The following PPIP5K2 variants were observed in gnomAD, a reference collection of about 807,000 sequenced individuals.
The protein encoded by PPIP5K2 is inositol hexakisphosphate and diphosphoinositol-pentakisphosphate kinase 2.
Under a neutral mutation model 154.6 loss-of-function variants are expected in PPIP5K2, and 105 were observed. The observed-to-expected ratio is 0.68, with a 90% CI of 0.58 to 0.80. PPIP5K2 has a LOEUF of 0.80. PPIP5K2 is among the 30% of genes least tolerant of loss of function. PPIP5K2 has a pLI of 0.00. For synonymous variants in PPIP5K2, 480 were observed against 490.3 expected, an observed-to-expected ratio of 0.98 and a Z score of 0.28; for missense variants, 992 against 1,504.6, an observed-to-expected ratio of 0.66 and a Z score of 5.64.
intron 10 of PPIP5K2, 41 bp downstream of exon 10, chr5:103,152,790 T>C (rs1554211773): frequency 2.3e-6 from 3 of 1,305,892 alleles, no homozygotes; most frequent in South Asian, 1.2e-5. Context: ...GAGTTTTCCT[T>C]GCCATCTGTG....
intron 5 of PPIP5K2, 56 bp downstream of exon 5, chr5:103,138,525 C>A: frequency 1.8e-6 from 2 of 1,081,236 alleles, no homozygotes; most frequent in Non-Finnish European, 2.8e-6. Flanking sequence ...ACTTTTGGGC[C>A]ACATTCTTAC....
rs1217295029 is a variant in PPIP5K2 at position 103,202,443 on chromosome 5, T to A, written c.*809T>A. ...ATGTTACACTTACTTTCAGAGTTCTTTTTAGATCTAAAGAAGTCAGTTCAA... is the reference window on the plus strand; with the variant it reads ...ATGTTACACTTACTTTCAGAGTTCTATTTAGATCTAAAGAAGTCAGTTCAA... On this transcript the variant is annotated 3_prime_UTR_variant, in exon 31 of 31. Transcript: ENST00000358359. 1 of 152,148 alleles carries A rather than the reference T, an allele frequency of 6.6e-6. No homozygotes were observed. The highest frequency in any genetic ancestry group is 1.9e-4 in the East Asian group (1 of 5,202). 9.4% of individuals were successfully genotyped at this position (152,148 alleles called of 1,614,324 possible). A position where few individuals can be genotyped will look rare whatever the true frequency, so the allele number is the denominator to read the frequency against.
chr5:103,175,254 C>G (rs1402886047), intron 21 of PPIP5K2, among the ~76,000 whole-genome samples: 1 of 152,026 alleles, frequency 6.6e-6, no homozygotes, highest in Non-Finnish European at 1.5e-5. Context: ...TCAAAGTGAT[C>G]CTAAGGGTGT....
chr5:103,201,833 T>C lies in PPIP5K2; in HGVS notation c.*199T>C, dbSNP rs1044105479. On this transcript the variant is annotated 3_prime_UTR_variant, in exon 31 of 31. Coordinates refer to ENST00000358359, the MANE Select transcript of PPIP5K2 (RefSeq NM_001276277.3). ...AGCATTCTGTGAGCAGCAAAACTTA[T>C]AGTGATAAAAATCGATTGTTGTTAA... The C allele has an allele frequency of 1.3e-5, 7 of 521,120 alleles. No homozygotes were observed. The highest frequency in any genetic ancestry group is 5.1e-5 in the South Asian group (2 of 39,462). 32.3% of individuals were successfully genotyped at this position (521,120 alleles called of 1,614,324 possible). A position where few individuals can be genotyped will look rare whatever the true frequency, so the allele number is the denominator to read the frequency against.
In PPIP5K2 at chr5:103,173,296, C is replaced by T; in HGVS notation, c.2414+14C>T. ...ACTTCATCCTGTGTAAGAAACTGTA[C>T]TGGTTATTTAAATCTCTAGGCATCT... On this transcript the variant is annotated intron_variant, in intron 20 of 30. Transcript: ENST00000358359. 6.3e-7 allele frequency: 1 copy of T among 1,596,388 alleles called. No individual in the cohort carries two copies. The highest frequency in any genetic ancestry group is 8.5e-7 in the Non-Finnish European group (1 of 1,173,998).
At chr5:103,167,985 TA>T in intron 18 of PPIP5K2, 86 bp from the exon 19 acceptor site, 1 of 853,550 alleles carries the variant, frequency 1.2e-6, no homozygotes, top group Admixed American at 2.9e-5. Context: ...TTTGACACTT[TA>T]AAAAGTTTCT....
intron 21 of PPIP5K2, chr5:103,176,827 C>T (rs782048076): frequency 1.6e-6 from 2 of 1,213,126 alleles, no homozygotes; most frequent in South Asian, 1.5e-5. Context: ...TCTCTAAGAT[C>T]CTTTTCAGTT....
chr5:103,141,598 A>C (rs570927135), intron 5 of PPIP5K2, among the ~76,000 whole-genome samples: 1 of 152,282 alleles, frequency 6.6e-6, no homozygotes, highest in East Asian at 1.9e-4. Flanking sequence ...CTAGATACAA[A>C]GGTTCTCCAC....
intron 5 of PPIP5K2, among the ~76,000 whole-genome samples, chr5:103,141,114 A>T (rs1165404063): frequency 1.3e-5 from 2 of 152,182 alleles, no homozygotes; most frequent in Non-Finnish European, 2.9e-5. Flanking sequence ...TGGGTGGATC[A>T]CGAGGTCAGG....
At chr5:103,151,510 G>C (rs1554211413) in intron 9 of PPIP5K2, 136 bp downstream of exon 9, 2 of 653,940 alleles carry the variant, frequency 3.1e-6, no homozygotes, top group Non-Finnish European at 2.5e-6. Flanking sequence ...TACCCCCAGA[G>C]ACTATGCCAG....
chr5:103,171,934 G>A lies in PPIP5K2; in HGVS notation c.2287-1221G>A, dbSNP rs1306783810. 2.0e-5 allele frequency among the ~76,000 whole-genome samples: 3 copies of A among 151,488 alleles called. No homozygotes were observed. In the East Asian group the frequency reaches 5.8e-4, roughly 29 times the overall value. ...TTCCCAATGTCTGAGTGGTGTGAAT[G>A]TAAGAATAATTTATTTAACCAACTT... On this transcript the variant is annotated intron_variant, in intron 19 of 30. Transcript: ENST00000358359.
intron 11 of PPIP5K2, 103 bp downstream of exon 11, chr5:103,154,037 C>A: frequency 1.3e-6 from 1 of 792,638 alleles, no homozygotes; most frequent in Non-Finnish European, 1.9e-6. Context: ...AAACTTTTAT[C>A]TACTGTCTCT....
At chr5:103,147,334 A>G (rs1793921420) in intron 6 of PPIP5K2, among the ~76,000 whole-genome samples, 1 of 151,996 alleles carries the variant, frequency 6.6e-6, no homozygotes, top group African/African-American at 2.4e-5. Context: ...GCCTAACAAT[A>G]ACAAGTGTAA....
intron 25 of PPIP5K2, 94 bp downstream of exon 25, chr5:103,183,501 A>C (rs1180528214): frequency 2.9e-6 from 3 of 1,019,664 alleles, no homozygotes; most frequent in Non-Finnish European, 4.3e-6. Context: ...TGTATTTCAC[A>C]TCAGAGTAAA....
intron 9 of PPIP5K2, among the ~76,000 whole-genome samples, chr5:103,152,031 A>G (rs1047440292): frequency 6.6e-6 from 1 of 152,160 alleles, no homozygotes; most frequent in Non-Finnish European, 1.5e-5. Context: ...CTGGTTAAGT[A>G]TCCCTTATCC....
chr5:103,160,792 T>A (rs1205071870), intron 17 of PPIP5K2, among the ~76,000 whole-genome samples: 1 of 152,102 alleles, frequency 6.6e-6, no homozygotes, highest in Non-Finnish European at 1.5e-5. Flanking sequence ...TTTGGACTGT[T>A]AGGATTAAAG....
At chr5:103,139,756 C>T (rs1792234788) in intron 5 of PPIP5K2, among the ~76,000 whole-genome samples, 1 of 152,098 alleles carries the variant, frequency 6.6e-6, no homozygotes, top group Non-Finnish European at 1.5e-5. Flanking sequence ...AATAGCTGTC[C>T]TGAGGAAGCT....
rs1803171416 is a variant in PPIP5K2, at chr5:103,202,538, G to A, written c.*904G>A. On this transcript the variant is annotated 3_prime_UTR_variant, in exon 31 of 31. Coordinates refer to ENST00000358359, the MANE Select transcript of PPIP5K2 (RefSeq NM_001276277.3). ...TTAGTAAGTATTATGTATAGCATCTGTTTTTAACCATTTCCATTCTTATCC... is the reference window on the plus strand; with the variant it reads ...TTAGTAAGTATTATGTATAGCATCTATTTTTAACCATTTCCATTCTTATCC... 1 of 152,146 alleles carries A rather than the reference G, an allele frequency of 6.6e-6. No individual in the cohort carries two copies. Among genetic ancestry groups the A allele is most frequent in the African/African-American group, 2.4e-5 (1 of 41,444 alleles). The allele number at this position is 152,146 out of a possible 1,614,324, so 9.4% of individuals were successfully genotyped here.
intron 19 of PPIP5K2, among the ~76,000 whole-genome samples, chr5:103,171,153 T>G (rs935829808): frequency 5.3e-5 from 8 of 151,556 alleles, no homozygotes; most frequent in Non-Finnish European, 7.4e-5. Context: ...ACAGTTAAAC[T>G]AGTTCTGATA....
Sources: gnomAD v4.1 joint callset for allele counts (sites outside exome capture counted in the v4.1 genomes callset) on GRCh38, gnomAD v4.1.1 for gene constraint, MANE v1.5 for transcripts, NCBI Gene and HGNC (gene_info 2026-07-23, HGNC 2026-07-21) for gene names.